DRD3: variants seen among roughly 807,000 people sequenced by gnomAD.
DRD3 encodes the protein dopamine receptor D3.
Under a neutral mutation model 36.3 loss-of-function variants are expected in DRD3, and 19 were observed. The observed-to-expected ratio is 0.52, with a 90% confidence interval of 0.36 to 0.77. DRD3 has a LOEUF of 0.77. DRD3 is among the 30% of genes least tolerant of loss of function. The pLI, the probability that DRD3 is intolerant of heterozygous loss-of-function variation, is 0.00. For synonymous variants in DRD3, 195 were observed against 203.7 expected (o/e 0.96, Z 0.36); for missense variants, 465 against 505.3 (o/e 0.92, Z 0.77).
chr3:114,148,173 G>A (rs1028479242), intron 3 of DRD3, among the ~76,000 whole-genome samples: 17 of 152,218 alleles, frequency 1.1e-4, no homozygotes, highest in African/African-American at 3.6e-4. Flanking sequence ...CTTCTTTATC[G>A]GTTCTACCTG....
chr3:114,188,637 CTT>C (rs1333956091), intron 1 of DRD3, among the ~76,000 whole-genome samples: 2 of 152,206 alleles, frequency 1.3e-5, no homozygotes, highest in African/African-American at 4.8e-5. Context: ...GAGAATGAGA[CTT>C]GTTTTTAACA....
At chr3:114,139,858 T>C (rs962348382) in intron 4 of DRD3, among the ~76,000 whole-genome samples, 162 bp from the exon 5 acceptor site, 1 of 152,006 alleles carries the variant, frequency 6.6e-6, no homozygotes, top group Non-Finnish European at 1.5e-5. Context: ...TCCTTGAGGG[T>C]AGAAGGTCTA....
chr3:114,148,764 G>A (rs1291993903), intron 3 of DRD3, among the ~76,000 whole-genome samples: 1 of 152,132 alleles, frequency 6.6e-6, no homozygotes, highest in Non-Finnish European at 1.5e-5. Flanking sequence ...CCAGGCTGGA[G>A]TGCAGTGGCG....
At chr3:114,194,964 GA>G (rs1328950529) in intron 1 of DRD3, among the ~76,000 whole-genome samples, 1 of 152,116 alleles carries the variant, frequency 6.6e-6, no homozygotes, top group African/African-American at 2.4e-5. Context: ...AGACTTACGG[GA>G]AGCTTGTCTG....
intron 4 of DRD3, 41 bp downstream of exon 4, chr3:114,147,374 G>A (rs1214762662): frequency 6.3e-7 from 1 of 1,598,942 alleles, no homozygotes; most frequent in Admixed American, 1.7e-5. Flanking sequence ...CAGCTGTGCT[G>A]TGAATCACAT....
At position 114,147,546 on chromosome 3, in the gene DRD3, A is replaced by C; in HGVS notation, c.395T>G (p.Val132Gly). The C allele has an allele frequency of 2.5e-6, 4 of 1,610,178 alleles. No homozygotes were observed. Among genetic ancestry groups the C allele is most frequent in the Non-Finnish European group, 3.4e-6 (4 of 1,176,796 alleles). The change falls in exon 4 of 7, where the codon GTG (valine) becomes GGG (glycine). Residue 132 changes from valine (V) to glycine (G), a missense_variant. Val to Gly is a moderately radical substitution (Grantham distance 109, BLOSUM62 -3). Coordinates refer to ENST00000383673, the MANE Select transcript of DRD3 (RefSeq NM_000796.6). The stretch of plus-strand genomic sequence containing the variant: ...ATGCTGGTAGTGAACGGGCATGACC[A>C]CTGCAGTGTACCTGAAAAAGCAAGG... ...CAISIDRYTA[V>G]VMPVHYQHGT...
rs1172007895 is a variant in DRD3, at chr3:114,148,699, GTTGC to G, written c.384-1146_384-1143del. On this transcript the variant is annotated intron_variant, in intron 3 of 6. Coordinates refer to ENST00000383673, the MANE Select transcript of DRD3 (RefSeq NM_000796.6). The stretch of plus-strand genomic sequence containing the variant: ...ACTCTCCCTGGACCCTTTCATATAA[GTTGC>G]TTGCTTGCTTATTTATTTATTTATT... 4.6e-5 allele frequency among the ~76,000 whole-genome samples: 7 copies of G among 152,044 alleles called. No homozygotes were observed. The East Asian group carries it at 1.3e-3, about 29-fold the overall frequency.
intron 4 of DRD3, among the ~76,000 whole-genome samples, chr3:114,144,315 T>C (rs1358119424): frequency 6.6e-6 from 1 of 152,268 alleles, no homozygotes; most frequent in East Asian, 1.9e-4. Flanking sequence ...GTTGCACTTA[T>C]TAGTGAAAGT....
intron 2 of DRD3, among the ~76,000 whole-genome samples, chr3:114,167,104 A>G (rs2077793118): frequency 6.6e-6 from 1 of 152,148 alleles, no homozygotes; most frequent in African/African-American, 2.4e-5. Flanking sequence ...CTTTCATCAC[A>G]GTCCGACCTC....
chr3:114,191,507 G>GT (rs2078010616), intron 1 of DRD3, among the ~76,000 whole-genome samples: 1 of 152,228 alleles, frequency 6.6e-6, no homozygotes, highest in African/African-American at 2.4e-5. Context: ...ATGCCAGATG[G>GT]TGTAGGAGTT....
At chr3:114,144,059 T>C (rs988187837) in intron 4 of DRD3, among the ~76,000 whole-genome samples, 1 of 152,226 alleles carries the variant, frequency 6.6e-6, no homozygotes, top group African/African-American at 2.4e-5. Flanking sequence ...TGATGTGATA[T>C]TTGCCTAGAC....
At chr3:114,199,261 T>G (rs1206301893) in intron 1 of DRD3, 1 of 152,254 alleles carries the variant, frequency 6.6e-6, no homozygotes, top group Non-Finnish European at 1.5e-5. Flanking sequence ...AACAGAAATT[T>G]ATTTGGCTCA....
chr3:114,162,594 G>C (rs324030), intron 2 of DRD3, among the ~76,000 whole-genome samples: 90,866 of 152,138 alleles, frequency 0.6, 29,248 homozygotes, highest in East Asian at 0.72. Context: ...TTACATACGT[G>C]GCCTCTATTG....
intron 1 of DRD3, among the ~76,000 whole-genome samples, chr3:114,197,280 T>G (rs139256738): frequency 1.8e-5 from 2 of 114,186 alleles, no homozygotes; most frequent in Non-Finnish European, 3.2e-5. Context: ...TAAAAAAATT[T>G]TTTTTTTTTT....
chr3:114,154,248 T>C (rs183531259), intron 3 of DRD3, among the ~76,000 whole-genome samples: 53 of 152,322 alleles, frequency 3.5e-4, no homozygotes, highest in South Asian at 1.9e-3. Context: ...AGGATCTATA[T>C]GGTTGGTCAC....
rs142401728 is a variant in DRD3 at position 114,175,175 on chromosome 3, C to T, written c.-35-3148G>A. ...AATAAAAAATGCTTCTAGACATTGC[C>T]ACATATCCTGGAGCGGGGGTGCAAA... On this transcript the variant is annotated intron_variant, in intron 1 of 6. Coordinates refer to ENST00000383673, the MANE Select transcript of DRD3 (RefSeq NM_000796.6). 2.5e-4 allele frequency among the ~76,000 whole-genome samples: 38 copies of T among 152,208 alleles called. No individual in the cohort carries two copies. In the East Asian group the frequency reaches 7.0e-3, roughly 28 times the overall value.
At chr3:114,175,057 G>C (rs2077884633) in intron 1 of DRD3, among the ~76,000 whole-genome samples, 1 of 152,090 alleles carries the variant, frequency 6.6e-6, no homozygotes, top group Non-Finnish European at 1.5e-5. Context: ...TCTTTGTTGA[G>C]GAGGTTGTCC....
intron 5 of DRD3, among the ~76,000 whole-genome samples, chr3:114,136,185 G>C (rs537282514): frequency 2.2e-4 from 33 of 152,020 alleles, no homozygotes; most frequent in Middle Eastern, 6.8e-3. Context: ...CTGCACTCCA[G>C]CCTGGGGAAC....
chr3:114,138,899 G>A (rs139090152), intron 5 of DRD3, among the ~76,000 whole-genome samples: 1 of 152,232 alleles, frequency 6.6e-6, no homozygotes, highest in African/African-American at 2.4e-5. Context: ...CAAGTACATC[G>A]TGGGAAAACT....
Sources: allele counts gnomAD v4.1 joint callset (sites outside exome capture counted in the v4.1 genomes callset), GRCh38; gene constraint gnomAD v4.1.1; transcripts MANE v1.5; gene names NCBI Gene and HGNC (gene_info 2026-07-23, HGNC 2026-07-21).